The following PRSS23 variants were observed in gnomAD, a reference collection of about 807,000 sequenced individuals.
PRSS23 encodes serine protease 23, also known as protease, serine 23.
PRSS23 carries 25 observed loss-of-function variants against 34.7 expected under a neutral mutation model. The observed-to-expected ratio is 0.72, with a 90% CI of 0.53 to 1.01. The LOEUF (loss-of-function observed/expected upper bound fraction) is 1.01, where lower values mean the gene tolerates loss of function less well. Among genes scored for constraint, PRSS23 ranks in the 50% least tolerant of loss-of-function variants. The pLI, the probability that PRSS23 is intolerant of heterozygous loss-of-function variation, is 0.00. For missense variants in PRSS23, 445 were observed against 475.6 expected (o/e 0.94, Z 0.60); for synonymous variants, 176 against 186.6 (o/e 0.94, Z 0.46).
At chr11:86,948,065 A>C (rs186424870) in intron 2 of PRSS23, 1 of 152,326 alleles carries the variant, frequency 6.6e-6, no homozygotes, top group Admixed American at 6.5e-5. Context: ...TAGTCTTCCT[A>C]AGGGATTTCT....
downstream of PRSS23, among the ~76,000 whole-genome samples, chr11:86,812,899 G>A (rs1212353788): frequency 6.6e-6 from 1 of 152,100 alleles, no homozygotes; most frequent in Non-Finnish European, 1.5e-5. Flanking sequence ...TGGGCAGACT[G>A]ATTCCACAGT....
chr11:86,842,499 G>A (rs1948456198), intron 2 of PRSS23, among the ~76,000 whole-genome samples: 1 of 152,184 alleles, frequency 6.6e-6, no homozygotes, highest in African/African-American at 2.4e-5. Flanking sequence ...AATTCTGTTT[G>A]CAGACGACAT....
chr11:86,927,353 G>A (rs1453406637), intron 2 of PRSS23, among the ~76,000 whole-genome samples: 1 of 152,100 alleles, frequency 6.6e-6, no homozygotes, highest in Non-Finnish European at 1.5e-5. Context: ...GACTCTAAAG[G>A]TTATGTTCCT....
chr11:86,794,783 G>A (rs1947970582), intron 1 of PRSS23, among the ~76,000 whole-genome samples: 2 of 151,846 alleles, frequency 1.3e-5, no homozygotes, highest in Non-Finnish European at 2.9e-5. Context: ...TTTATTACAG[G>A]AATTTTACTA....
At chr11:86,908,557 T>C (rs1482992659) in intron 2 of PRSS23, among the ~76,000 whole-genome samples, 1 of 152,130 alleles carries the variant, frequency 6.6e-6, no homozygotes, top group African/African-American at 2.4e-5. Flanking sequence ...ACTGGTCCAG[T>C]GTGAGGGAAG....
chr11:86,808,207 G>T lies in PRSS23; in HGVS notation c.564G>T (p.Gln188His). The change falls in exon 2 of 2, where the codon CAG becomes CAT. Residue 188 changes from glutamine to histidine, a missense_variant. Physicochemically the swap from Gln to His is conservative, Grantham distance 24 (BLOSUM62 0). Coordinates refer to ENST00000280258, the MANE Select transcript of PRSS23 (RefSeq NM_007173.6). ...GAAAAACCTATGTGAAAGGAACCCA[G>T]AAGCTTCGAGTGGGCTTCCTAAAGC... is the stretch of plus-strand genomic sequence containing the variant. ...HDGKTYVKGT[Q>H]KLRVGFLKPK... The T allele has an allele frequency of 6.2e-7, 1 of 1,614,146 alleles. No homozygotes were observed.
At chr11:86,832,891 C>T (rs1280754808) in intron 2 of PRSS23, 14 of 329,350 alleles carry the variant, frequency 4.3e-5, no homozygotes, top group African/African-American at 1.3e-4. Flanking sequence ...TGTCACAACA[C>T]GCAAGGTGTG....
chr11:86,948,892 A>C (rs1422300486), intron 2 of PRSS23: 3 of 152,738 alleles, frequency 2.0e-5, no homozygotes, highest in Non-Finnish European at 4.4e-5. Context: ...TGCCTGGGCC[A>C]GAGTCCCTGC....
chr11:86,870,389 C>T (rs1231359160), intron 2 of PRSS23, among the ~76,000 whole-genome samples: 1 of 152,138 alleles, frequency 6.6e-6, no homozygotes, highest in Admixed American at 6.6e-5. Flanking sequence ...GTTTAGTTCC[C>T]TGGATCCCTC....
At chr11:86,866,999 G>A (rs1197549247) in intron 2 of PRSS23, among the ~76,000 whole-genome samples, 2 of 152,116 alleles carry the variant, frequency 1.3e-5, no homozygotes, top group Non-Finnish European at 2.9e-5. Context: ...CCCAGCTTCA[G>A]GTATTCCTTT....
chr11:86,795,945 T>C (rs2186617), upstream of PRSS23, among the ~76,000 whole-genome samples: 1 of 152,052 alleles, frequency 6.6e-6, no homozygotes, highest in Non-Finnish European at 1.5e-5. Flanking sequence ...CACTAAAATT[T>C]AGTTGAGTTG....
At chr11:86,841,803 C>CA (rs1565362960) in intron 2 of PRSS23, among the ~76,000 whole-genome samples, 1 of 151,880 alleles carries the variant, frequency 6.6e-6, no homozygotes, top group African/African-American at 2.4e-5. Flanking sequence ...GTCTACCAAC[C>CA]AAAAAAAGTC....
chr11:86,918,815 C>G (rs922319239), intron 2 of PRSS23, among the ~76,000 whole-genome samples: 1 of 152,176 alleles, frequency 6.6e-6, no homozygotes, highest in Non-Finnish European at 1.5e-5. Flanking sequence ...TACTTGGTAT[C>G]TGAATTTTTG....
intron 1 of PRSS23, among the ~76,000 whole-genome samples, chr11:86,816,628 C>G (rs1948216855): frequency 6.6e-6 from 1 of 152,172 alleles, no homozygotes; most frequent in Admixed American, 6.5e-5. Flanking sequence ...TGACTAATAT[C>G]CTCTGTGGAT....
upstream of PRSS23, chr11:86,800,127 G>A (rs1470156054): frequency 6.6e-6 from 1 of 152,298 alleles, no homozygotes; most frequent in East Asian, 1.9e-4. Flanking sequence ...CTTTTGTAGG[G>A]GACCTGGTCT....
chr11:86,801,787 G>C (rs1948042149), intron 1 of PRSS23, among the ~76,000 whole-genome samples: 1 of 152,184 alleles, frequency 6.6e-6, no homozygotes, highest in African/African-American at 2.4e-5. Context: ...GTGGGGAGAA[G>C]GAACTTAGAA....
chr11:86,855,227 G>A (rs748292901), intron 2 of PRSS23, among the ~76,000 whole-genome samples: 1 of 151,612 alleles, frequency 6.6e-6, no homozygotes, highest in African/African-American at 2.4e-5. Flanking sequence ...AAAAAGAAGA[G>A]TATAGAAGGG....
intron 2 of PRSS23, among the ~76,000 whole-genome samples, chr11:86,894,559 G>A (rs907796942): frequency 1.3e-5 from 2 of 152,104 alleles, no homozygotes; most frequent in Non-Finnish European, 2.9e-5. Context: ...AGTGTCAAGG[G>A]ACCAGTGCCT....
intron 2 of PRSS23, chr11:86,939,252 G>A: frequency 3.7e-6 from 1 of 266,950 alleles, no homozygotes; most frequent in South Asian, 3.6e-5. Context: ...TAATTACAGG[G>A]ACACTGCATT....
Sources: allele counts gnomAD v4.1 joint callset (sites outside exome capture counted in the v4.1 genomes callset), GRCh38; gene constraint gnomAD v4.1.1; transcripts MANE v1.5; gene names NCBI Gene and HGNC (gene_info 2026-07-23, HGNC 2026-07-21).